The following KLK4 variants were observed in gnomAD, a reference collection of about 807,000 sequenced individuals.
The protein encoded by KLK4 is kallikrein-4.
A neutral mutation model predicts 24.3 loss-of-function variants in KLK4; 24 were observed. The ratio of observed to expected loss-of-function variants is 0.99; its 90% CI spans 0.72 to 1.39. KLK4 has a LOEUF of 1.39. KLK4 is among the 40% of genes most tolerant of loss of function. KLK4 has a pLI of 0.00. For synonymous variants in KLK4, 142 were observed against 138.8 expected (o/e 1.02, Z -0.16); for missense variants, 344 against 327.4 (o/e 1.05, Z -0.39).
chr19:50,906,886 C>T (rs202220764), exon 6 of KLK4: 52 of 1,610,898 alleles, frequency 3.2e-5, no homozygotes, highest in Middle Eastern at 3.3e-4. Context: ...GAATTCCTTC[C>T]GCAGGATGTA....
At chr19:50,908,359 G>C (rs374093305) in exon 5 of KLK4, 1 of 1,612,720 alleles carries the variant, frequency 6.2e-7, no homozygotes, top group Non-Finnish European at 8.5e-7. Flanking sequence ...CCTCTCTCAC[G>C]TTGCAGGAGT....
chr19:50,908,419 C>A, exon 5 of KLK4: 2 of 1,614,088 alleles, frequency 1.2e-6, no homozygotes, highest in South Asian at 1.1e-5. Flanking sequence ...GGTGGTACAG[C>A]GGGTCATAGA....
exon 3 of KLK4, chr19:50,909,283 A>T (rs1047814961): frequency 3.7e-6 from 6 of 1,613,956 alleles, no homozygotes; most frequent in Non-Finnish European, 5.1e-6. Context: ...GACAGCACCC[A>T]CTGCGGATGC....
intron 3 of KLK4, 117 bp from the exon 4 acceptor site, chr19:50,908,946 C>T (rs2090461408): frequency 6.5e-7 from 1 of 1,536,088 alleles, no homozygotes; most frequent in African/African-American, 1.4e-5. Flanking sequence ...CTTCGCTAAA[C>T]ACCCTAAGAG....
At position 50,910,558 on chromosome 19, in the gene KLK4, A is replaced by T; in HGVS notation, c.61+120T>A. On this transcript the variant is annotated intron_variant, in intron 2 of 5. Coordinates refer to ENST00000324041, the Ensembl canonical transcript of KLK4. This position sits in a 1 kb window ranked among gnomAD's most constrained non-coding sequence, Gnocchi z 4.4. ...GGCACAGCCATGGGGGACGGATAAC[A>T]CGGTACCGTCTCACAGGCAGCTTTG... 1 of 905,918 alleles carries T rather than the reference A, an allele frequency of 1.1e-6. No individual in the cohort carries two copies. Among genetic ancestry groups the T allele is most frequent in the East Asian group, 2.6e-5 (1 of 37,922 alleles). The allele number at this position is 905,918 out of a possible 1,614,324, so 56.1% of individuals were successfully genotyped here.
In KLK4 at chr19:50,910,674, A is replaced by G. The variant is rs1364616136; in HGVS notation, c.61+4T>C. On this transcript the variant is annotated splice_donor_region_variant and intron_variant, in intron 2 of 5. Transcript: ENST00000324041. The surrounding 1 kb of genome is among the most constrained non-coding windows in gnomAD (Gnocchi z 4.4). The stretch of plus-strand genomic sequence containing the variant: ...GACAGACACACACACGCATACTCAG[A>G]TACCTGCGACACCAAGGATGAGGTA... The G allele has an allele frequency of 1.5e-5, 23 of 1,554,538 alleles. No homozygotes were observed. The highest frequency in any genetic ancestry group is 2.0e-5 in the Non-Finnish European group (23 of 1,148,200).
exon 6 of KLK4, chr19:50,906,461 A>C (rs2090430096): frequency 3.9e-6 from 1 of 257,828 alleles, no homozygotes; most frequent in Non-Finnish European, 7.5e-6. Context: ...GTACAGGGAG[A>C]GTCTAGGTGG....
exon 4 of KLK4, chr19:50,908,661 G>A (rs138226475): frequency 1.2e-6 from 2 of 1,614,108 alleles, no homozygotes; most frequent in African/African-American, 1.3e-5. Context: ...TGCTCCGGAT[G>A]GTGTCAGACT....
intron 5 of KLK4, 72 bp from the exon 6 acceptor site, chr19:50,907,158 A>G: frequency 2.8e-6 from 4 of 1,445,158 alleles, no homozygotes; most frequent in Non-Finnish European, 3.9e-6. Flanking sequence ...TCAGAAAGGA[A>G]CTAAATGAGA....
intron 5 of KLK4, 129 bp downstream of exon 5, chr19:50,908,230 T>G: frequency 9.2e-7 from 1 of 1,082,042 alleles, no homozygotes; most frequent in Non-Finnish European, 1.4e-6. Context: ...TCAGTTTCTC[T>G]CTCTAGTTGT....
rs781642880 is a variant in KLK4 at position 50,909,392 on chromosome 19, G to A, written c.84C>T (p.Cys28=). The change falls in exon 3 of 6, where the codon TGC becomes TGT. Residue 28 remains cysteine (C), a synonymous_variant. Coordinates refer to ENST00000324041, the Ensembl canonical transcript of KLK4. ...AGTCCTCGCCGTTTATGATTTGGCT[G>A]CAGCTACCAGAGACGAGCGATCCTG... 13 of 1,614,018 alleles carry A rather than the reference G, an allele frequency of 8.1e-6. No homozygotes were observed. The African/African-American group carries it at 1.5e-4, about 18-fold the overall frequency.
intron 5 of KLK4, 93 bp downstream of exon 5, chr19:50,908,266 T>A: frequency 6.9e-7 from 1 of 1,451,210 alleles, no homozygotes; most frequent in Non-Finnish European, 9.6e-7. Flanking sequence ...TGTCTCTCCA[T>A]CTCTGCATCT....
chr19:50,908,700 C>A (rs774723248), exon 4 of KLK4: 2 of 1,614,182 alleles, frequency 1.2e-6, no homozygotes. Context: ...ACTTGATGAG[C>A]ATGAGGTCGT....
intron 5 of KLK4, chr19:50,908,037 G>GT (rs1421854166): frequency 8.1e-5 from 36 of 446,326 alleles, no homozygotes; most frequent in Non-Finnish European, 1.4e-4. Context: ...TTCTAGTCAG[G>GT]TTTTTGGGGA....
chr19:50,906,919 T>A, exon 6 of KLK4: 1 of 1,614,070 alleles, frequency 6.2e-7, no homozygotes, highest in Non-Finnish European at 8.5e-7. Context: ...TTTCATGGGT[T>A]CCCAGTCCCC....
intron 5 of KLK4, chr19:50,908,016 C>T: frequency 2.4e-6 from 1 of 416,370 alleles, no homozygotes. Flanking sequence ...TCCCCGTCAA[C>T]AGTAGGCTAT....
At chr19:50,908,751 G>A (rs868792526) in exon 4 of KLK4, 2 of 1,614,100 alleles carry the variant, frequency 1.2e-6, no homozygotes, top group Non-Finnish European at 8.5e-7. Context: ...GCCGTACGGA[G>A]AGGCTGGCCT....
At chr19:50,907,278 C>T (rs1460859376) in intron 5 of KLK4, among the ~76,000 whole-genome samples, 192 bp from the exon 6 acceptor site, 2 of 152,158 alleles carry the variant, frequency 1.3e-5, no homozygotes, top group Non-Finnish European at 2.9e-5. Context: ...TCCCGATGTC[C>T]TATGTCCTGA....
chr19:50,911,116 C>T (rs1451300295), intron 1 of KLK4, among the ~76,000 whole-genome samples: 1 of 152,070 alleles, frequency 6.6e-6, no homozygotes, highest in Non-Finnish European at 1.5e-5. Flanking sequence ...TGAGAGATAT[C>T]CTCAGAGACA....
Sources: gnomAD v4.1 joint callset for allele counts (sites outside exome capture counted in the v4.1 genomes callset) on GRCh38, gnomAD v4.1.1 for gene constraint, Gnocchi (gnomAD v3.1) non-coding constraint, MANE v1.5 for transcripts, NCBI Gene and HGNC (gene_info 2026-07-23, HGNC 2026-07-21) for gene names.